The following PCDH15 variants were observed in gnomAD, a reference collection of about 807,000 sequenced individuals.
The protein encoded by PCDH15 is protocadherin related 15, also known as protocadherin-15.
A neutral mutation model predicts 178.5 loss-of-function variants in PCDH15; 129 were observed. The ratio of observed to expected loss-of-function variants is 0.72; its 90% CI spans 0.63 to 0.84. The LOEUF is 0.84. PCDH15 is among the 40% of genes least tolerant of loss of function. The pLI, the probability that PCDH15 is intolerant of heterozygous loss-of-function variation, is 0.00. For missense variants in PCDH15, 2,230 were observed against 2,099.9 expected (o/e 1.06, Z -1.21); for synonymous variants, 800 against 732.0 (o/e 1.09, Z -1.50).
At chr10:54,791,207 G>C (rs767795341) in intron 1 of PCDH15, among the ~76,000 whole-genome samples, 4 of 151,818 alleles carry the variant, frequency 2.6e-5, no homozygotes, top group Non-Finnish European at 4.4e-5. Flanking sequence ...TAAAATAAAA[G>C]AAATATGAGG....
At chr10:53,890,108 G>A (rs938445864) in intron 26 of PCDH15, among the ~76,000 whole-genome samples, 1 of 152,170 alleles carries the variant, frequency 6.6e-6, no homozygotes, top group Admixed American at 6.5e-5. Context: ...TATGTATGCA[G>A]CTTGTAATAA....
chr10:54,614,468 G>A (rs2093066361), intron 2 of PCDH15, among the ~76,000 whole-genome samples: 1 of 151,978 alleles, frequency 6.6e-6, no homozygotes. Flanking sequence ...AAAAATTAAA[G>A]CTTTTCAAAG....
intron 2 of PCDH15, among the ~76,000 whole-genome samples, chr10:54,994,460 A>G (rs950163155): frequency 2.0e-5 from 3 of 152,316 alleles, no homozygotes; most frequent in Non-Finnish European, 4.4e-5. Context: ...TATCTAGAAA[A>G]TATAAAGTAT....
At chr10:54,104,664 C>T (rs1345679947) in intron 15 of PCDH15, among the ~76,000 whole-genome samples, 2 of 110,704 alleles carry the variant, frequency 1.8e-5, no homozygotes, top group Non-Finnish European at 4.2e-5. Flanking sequence ...AGTGAAACCC[C>T]GTCTCTACTA....
At chr10:54,658,850 T>C (rs936767962) in intron 2 of PCDH15, among the ~76,000 whole-genome samples, 8 of 152,012 alleles carry the variant, frequency 5.3e-5, no homozygotes, top group African/African-American at 1.5e-4. Context: ...ATTTTGCAAA[T>C]TGGATGAAAA....
chr10:55,253,024 T>G (rs933364205), intron 1 of PCDH15, among the ~76,000 whole-genome samples: 2 of 152,156 alleles, frequency 1.3e-5, no homozygotes, highest in Non-Finnish European at 2.9e-5. Context: ...TGATGACATT[T>G]TATTAAATAA....
chr10:54,051,988 G>A (rs2093786063), intron 18 of PCDH15, among the ~76,000 whole-genome samples: 1 of 152,224 alleles, frequency 6.6e-6, no homozygotes, highest in African/African-American at 2.4e-5. Flanking sequence ...CTTACATGTG[G>A]TGTTGGTCCT....
chr10:55,164,706 C>A (rs930234892), intron 2 of PCDH15, among the ~76,000 whole-genome samples: 2 of 151,928 alleles, frequency 1.3e-5, no homozygotes, highest in African/African-American at 2.4e-5. Context: ...ATAGAAATCA[C>A]AAAATCTCAA....
chr10:55,031,282 T>C (rs1343472706), intron 2 of PCDH15, among the ~76,000 whole-genome samples: 3 of 152,210 alleles, frequency 2.0e-5, no homozygotes, highest in Non-Finnish European at 2.9e-5. Context: ...TGCACTGGTA[T>C]ACAGTTTATA....
chr10:54,101,966 C>T (rs145531247), intron 15 of PCDH15, among the ~76,000 whole-genome samples: 85 of 152,038 alleles, frequency 5.6e-4, no homozygotes, highest in African/African-American at 2.0e-3. Flanking sequence ...CAGAGTGAGA[C>T]CTTGTCTCAA....
At chr10:54,096,721 C>T (rs1452601248) in intron 15 of PCDH15, among the ~76,000 whole-genome samples, 2 of 152,136 alleles carry the variant, frequency 1.3e-5, no homozygotes, top group African/African-American at 4.8e-5. Context: ...ACTCCACTCT[C>T]ATAGCCTAAG....
At chr10:54,991,171 G>A (rs1004088087) in intron 2 of PCDH15, among the ~76,000 whole-genome samples, 12 of 152,080 alleles carry the variant, frequency 7.9e-5, no homozygotes, top group Non-Finnish European at 1.8e-4. Flanking sequence ...TGAATATGTT[G>A]TTTAATCAAT....
intron 1 of PCDH15, among the ~76,000 whole-genome samples, chr10:54,774,846 TC>T (rs1394440550): frequency 2.6e-5 from 4 of 152,176 alleles, no homozygotes; most frequent in African/African-American, 9.7e-5. Flanking sequence ...CTCCTTTTTT[TC>T]ATATTAGTTT....
rs922362510 is a variant in PCDH15 at position 54,096,836 on chromosome 10, T to C, written c.1918-6773A>G. ...ACACAAACATTCAGTCCATAGCAGA[T>C]GTCAAAAAGTCTTTTCAAATACAGT... On this transcript the variant is annotated intron_variant, in intron 15 of 37. Transcript: ENST00000644397. Among the ~76,000 whole-genome samples the C allele has an allele frequency of 1.3e-4, 20 of 152,322 alleles. 1 individual carries two copies. Among genetic ancestry groups the C allele is most frequent in the Middle Eastern group, 3.4e-3 (1 of 294 alleles).
chr10:54,276,189 C>G (rs1430933503), intron 8 of PCDH15, among the ~76,000 whole-genome samples: 1 of 151,252 alleles, frequency 6.6e-6, no homozygotes, highest in Non-Finnish European at 1.5e-5. Context: ...CAAAATAGCA[C>G]CAAAAACAAG....
At chr10:55,244,925 A>G (rs945249359) in intron 1 of PCDH15, among the ~76,000 whole-genome samples, 1 of 151,834 alleles carries the variant, frequency 6.6e-6, no homozygotes, top group African/African-American at 2.4e-5. Context: ...TGATGACCTT[A>G]TTTTTTGCAC....
chr10:55,049,747 C>A (rs1841110810), intron 2 of PCDH15, among the ~76,000 whole-genome samples: 1 of 151,862 alleles, frequency 6.6e-6, no homozygotes, highest in South Asian at 2.1e-4. Flanking sequence ...AATAAATTTT[C>A]CTAAACTTAC....
intron 2 of PCDH15, among the ~76,000 whole-genome samples, chr10:55,385,965 C>A (rs1034783964): frequency 6.6e-6 from 1 of 151,238 alleles, no homozygotes; most frequent in Admixed American, 6.6e-5. Context: ...AAATTTGGAT[C>A]TAAAGTGAAA....
intron 2 of PCDH15, chr10:54,585,576 T>A (rs530731626): frequency 4.7e-6 from 1 of 213,146 alleles, no homozygotes; most frequent in Admixed American, 5.0e-5. Flanking sequence ...AATAATTCAT[T>A]CATTTCATTG....
Sources: allele counts gnomAD v4.1 joint callset (sites outside exome capture counted in the v4.1 genomes callset), GRCh38; gene constraint gnomAD v4.1.1; transcripts MANE v1.5; gene names NCBI Gene and HGNC (gene_info 2026-07-23, HGNC 2026-07-21).